SOS2: variants seen among roughly 807,000 people sequenced by gnomAD.
The protein encoded by SOS2 is SOS Ras/Rho guanine nucleotide exchange factor 2, also known as son of sevenless homolog 2.
In SOS2, 65 loss-of-function variants were observed where a neutral mutation model predicts 148.2. That is an observed-to-expected ratio of 0.44 (90% confidence interval 0.36 to 0.54). SOS2 has a LOEUF of 0.54. Ranked by LOEUF, SOS2 falls within the 20% of genes least tolerant of loss-of-function variation. SOS2 has a pLI of 0.00. For synonymous variants in SOS2, 539 were observed against 537.1 expected (o/e 1.00, Z -0.05); for missense variants, 1,341 against 1,590.2 (o/e 0.84, Z 2.67).
chr14:50,205,633 A>C (rs1364795845), intron 1 of SOS2, among the ~76,000 whole-genome samples: 1 of 152,182 alleles, frequency 6.6e-6, no homozygotes, highest in Admixed American at 6.5e-5. Context: ...GAACAAAATG[A>C]GAGTTTTAAA....
intron 8 of SOS2, among the ~76,000 whole-genome samples, chr14:50,163,854 A>G (rs1328070672): frequency 6.6e-6 from 1 of 152,208 alleles, no homozygotes; most frequent in African/African-American, 2.4e-5. Flanking sequence ...CCAAAAAGGT[A>G]TGATTTTCAT....
Position 50,180,571 on chromosome 14 carries a change from C to T in SOS2, c.969+1G>A. ...AAAAAAAACCTTCAATTTAAGTTTA[C>T]CTGAAAGTGTAGAGCAACTGCAGGT... On this transcript the variant is annotated splice_donor_variant, in intron 7 of 22. Transcript: ENST00000216373. LOFTEE classifies it high-confidence loss of function. 1.6e-6 allele frequency: 2 copies of T among 1,214,526 alleles called. No individual in the cohort carries two copies. The highest frequency in any genetic ancestry group is 1.4e-5 in the South Asian group (1 of 70,746). The allele number at this position is 1,214,526 out of a possible 1,614,324, so 75.2% of individuals were successfully genotyped here.
chr14:50,181,276 G>A (rs1008340367), intron 6 of SOS2, among the ~76,000 whole-genome samples: 13 of 152,002 alleles, frequency 8.6e-5, no homozygotes, highest in South Asian at 4.2e-4. Flanking sequence ...GAGGAACACC[G>A]TCTCTACTAA....
At chr14:50,133,108 C>T (rs753008527) in intron 19 of SOS2, among the ~76,000 whole-genome samples, 15 of 151,932 alleles carry the variant, frequency 9.9e-5, no homozygotes, top group Non-Finnish European at 1.6e-4. Flanking sequence ...TTGGTATTAG[C>T]GCTTACAAAA....
Position 50,130,526 on chromosome 14 carries a change from T to C in SOS2, c.3312A>G (p.Leu1104=). Residue 1104 remains leucine (L), a synonymous_variant, in exon 20 of 23, where the codon TTA becomes TTG. Transcript: ENST00000216373. ...VSASSDLSVF[L]DVDLNSSCGS... is the part of the protein sequence containing the mutation. ...CACAGGAGCTGTTGAGATCCACATC[T>C]AAAAATACACTAAGGTCTGAAGAAG... 1 of 1,614,056 alleles carries C rather than the reference T, an allele frequency of 6.2e-7. No individual in the cohort carries two copies. The highest frequency in any genetic ancestry group is 1.3e-5 in the African/African-American group (1 of 75,050).
chr14:50,212,670 G>C (rs1886916456), intron 1 of SOS2, among the ~76,000 whole-genome samples: 1 of 152,106 alleles, frequency 6.6e-6, no homozygotes, highest in African/African-American at 2.4e-5. Flanking sequence ...AAAAGTTTGA[G>C]AATCATCTAG....
At chr14:50,180,481 C>A in intron 7 of SOS2, 91 bp downstream of exon 7, 1 of 618,538 alleles carries the variant, frequency 1.6e-6, no homozygotes, top group South Asian at 2.1e-5. Flanking sequence ...ACGAGGATTC[C>A]AGAATTACAA....
At chr14:50,192,911 G>C (rs1465961115) in intron 4 of SOS2, among the ~76,000 whole-genome samples, 1 of 152,070 alleles carries the variant, frequency 6.6e-6, no homozygotes, top group East Asian at 1.9e-4. Context: ...ACAAAAGAAA[G>C]AAAATACAGA....
intron 4 of SOS2, among the ~76,000 whole-genome samples, chr14:50,198,229 AGCAGAATGTTCT>A (rs1566476269): frequency 6.6e-6 from 1 of 152,124 alleles, no homozygotes; most frequent in Non-Finnish European, 1.5e-5. Flanking sequence ...GTGGTAATGT[AGCAGAATGTTCT>A]TGTTTATAGG....
chr14:50,166,275 T>A (rs1043818043), intron 8 of SOS2, among the ~76,000 whole-genome samples: 2 of 152,222 alleles, frequency 1.3e-5, no homozygotes, highest in South Asian at 2.1e-4. Flanking sequence ...TAGGCTGGAA[T>A]GCAGTGGCAC....
Position 50,174,508 on chromosome 14 carries a change from T to C in SOS2, c.1014A>G (p.Pro338=). 6.2e-7 allele frequency: 1 copy of C among 1,611,010 alleles called. No homozygotes were observed. The highest frequency in any genetic ancestry group is 8.5e-7 in the Non-Finnish European group (1 of 1,177,988). Residue 338 remains proline, a synonymous_variant, in exon 8 of 23, where the codon CCA becomes CCG. Coordinates refer to ENST00000216373, the MANE Select transcript of SOS2 (RefSeq NM_006939.4). Reference sequence around the variant, plus strand: ...GATACACTGGCACCAGCATAAGACGTGGAAGGACATAACGAACTGCCTCTT... The same window carrying C: ...GATACACTGGCACCAGCATAAGACGCGGAAGGACATAACGAACTGCCTCTT... ...GFKEAVRYVL[P]RLMLVPVYHC... is the part of the protein sequence containing the mutation.
At chr14:50,182,698 C>A (rs1885781829) in intron 5 of SOS2, 92 bp from the exon 6 acceptor site, 1 of 972,070 alleles carries the variant, frequency 1.0e-6, no homozygotes, top group South Asian at 1.5e-5. Flanking sequence ...CTACTCGAGG[C>A]AGACTGCCTA....
At chr14:50,217,912 G>A (rs541334028) in intron 1 of SOS2, among the ~76,000 whole-genome samples, 3 of 152,014 alleles carry the variant, frequency 2.0e-5, no homozygotes, top group South Asian at 2.1e-4. Context: ...TCGAGATCGT[G>A]CCACTGCACT....
chr14:50,147,262 C>T (rs569959994), intron 14 of SOS2, among the ~76,000 whole-genome samples: 5 of 151,636 alleles, frequency 3.3e-5, no homozygotes, highest in East Asian at 1.9e-4. Flanking sequence ...GTAATCCTGG[C>T]GTTTTGGGAG....
intron 1 of SOS2, 153 bp downstream of exon 1, chr14:50,231,044 A>C: frequency 1.7e-6 from 1 of 587,354 alleles, no homozygotes; most frequent in Non-Finnish European, 2.5e-6. Context: ...CGTCCTTCAG[A>C]ATGCAACAGG....
At chr14:50,182,360 T>C (rs1012917112) in intron 6 of SOS2, 103 bp downstream of exon 6, 61 of 1,046,580 alleles carry the variant, frequency 5.8e-5, no homozygotes, top group Non-Finnish European at 8.0e-5. Context: ...ATTTTACTTT[T>C]TTATGGAAAC....
chr14:50,181,721 C>T (rs971054662), intron 6 of SOS2, among the ~76,000 whole-genome samples: 14 of 151,784 alleles, frequency 9.2e-5, no homozygotes, highest in African/African-American at 1.7e-4. Flanking sequence ...CACATACATT[C>T]GTATGTATGC....
At chr14:50,199,949 A>C in intron 3 of SOS2, 94 bp from the exon 4 acceptor site, 1 of 765,140 alleles carries the variant, frequency 1.3e-6, no homozygotes, top group Non-Finnish European at 2.1e-6. Context: ...GCTTATAAAA[A>C]ATTTTCTATT....
intron 13 of SOS2, among the ~76,000 whole-genome samples, chr14:50,152,689 T>C (rs547316714): frequency 6.6e-6 from 1 of 152,294 alleles, no homozygotes; most frequent in African/African-American, 2.4e-5. Flanking sequence ...GCATGGTGGC[T>C]CATGCCTGTA....
Sources: gnomAD v4.1 joint callset for allele counts (sites outside exome capture counted in the v4.1 genomes callset) on GRCh38, gnomAD v4.1.1 for gene constraint, MANE v1.5 for transcripts, NCBI Gene and HGNC (gene_info 2026-07-23, HGNC 2026-07-21) for gene names.